The following AGAP1 variants were observed in gnomAD, a reference collection of about 807,000 sequenced individuals.
The protein encoded by AGAP1 is ArfGAP with GTPase domain, ankyrin repeat and PH domain 1.
Under a neutral mutation model 105.3 loss-of-function variants are expected in AGAP1, and 29 were observed. That is an observed-to-expected ratio of 0.28 (90% CI 0.21 to 0.38). The LOEUF is 0.38. Among genes scored for constraint, AGAP1 ranks in the 10% least tolerant of loss-of-function variants. The pLI is 1.00. For synonymous variants in AGAP1, 509 were observed against 485.9 expected (o/e 1.05, Z -0.63); for missense variants, 998 against 1,165.1 (o/e 0.86, Z 2.09).
Position 235,993,569 on chromosome 2 carries a change from C to T in AGAP1, c.1645+24946C>T, listed in dbSNP as rs191463505. Among the ~76,000 whole-genome samples the T allele has an allele frequency of 6.6e-6, 1 of 152,262 alleles. No individual in the cohort carries two copies. Among genetic ancestry groups the T allele is most frequent in the Admixed American group, 6.5e-5 (1 of 15,288 alleles). ...TTTTGTGTGATAGAAACCAATGCTT[C>T]CCAAAGTTCACATTGTGGAAACTGA... is the stretch of plus-strand genomic sequence containing the variant. On this transcript the variant is annotated intron_variant, in intron 13 of 17. Coordinates refer to ENST00000304032, the MANE Select transcript of AGAP1 (RefSeq NM_001037131.3). The surrounding 1 kb of genome is among the most constrained non-coding windows in gnomAD (Gnocchi z 5.0).
At chr2:235,684,616 A>T (rs1350823031) in intron 1 of AGAP1, among the ~76,000 whole-genome samples, 1 of 152,068 alleles carries the variant, frequency 6.6e-6, no homozygotes, top group Non-Finnish European at 1.5e-5. Flanking sequence ...AGTCTTAGTG[A>T]TTTCTTGGAG....
At position 235,893,454 on chromosome 2, in the gene AGAP1, G is replaced by A. The variant is rs1575715751; in HGVS notation, c.1155+10005G>A. ...TCCATCATAAGGAAGAGCTGTGTCTGTGGTGCGGGTGCACCATGTCCATCA... is the reference window on the plus strand; with the variant it reads ...TCCATCATAAGGAAGAGCTGTGTCTATGGTGCGGGTGCACCATGTCCATCA... On this transcript the variant is annotated intron_variant, in intron 10 of 17. Coordinates refer to ENST00000304032, the MANE Select transcript of AGAP1 (RefSeq NM_001037131.3). The surrounding 1 kb of genome is among the most constrained non-coding windows in gnomAD (Gnocchi z 4.7). Among the ~76,000 whole-genome samples the A allele has an allele frequency of 6.6e-6, 1 of 151,400 alleles. No homozygotes were observed. Among genetic ancestry groups the A allele is most frequent in the African/African-American group, 2.4e-5 (1 of 41,134 alleles).
intron 1 of AGAP1, among the ~76,000 whole-genome samples, chr2:235,508,609 G>T (rs1230668054): frequency 6.6e-6 from 1 of 152,164 alleles, no homozygotes; most frequent in East Asian, 1.9e-4. Context: ...GACTGCCTGC[G>T]ATTACAGGTC....
At chr2:235,693,790 T>G (rs1949859792) in intron 1 of AGAP1, among the ~76,000 whole-genome samples, 1 of 152,218 alleles carries the variant, frequency 6.6e-6, no homozygotes, top group Non-Finnish European at 1.5e-5. Flanking sequence ...GAATTAGCTT[T>G]TATTCCCACT....
intron 14 of AGAP1, among the ~76,000 whole-genome samples, chr2:236,037,765 C>A (rs2057427073): frequency 6.6e-6 from 1 of 152,072 alleles, no homozygotes; most frequent in Admixed American, 6.6e-5. Flanking sequence ...AGTCCTTTTT[C>A]CCATCAAGGA....
rs1350377669 is a variant in AGAP1, at chr2:235,660,677, A to G, written c.164-48502A>G. Among the ~76,000 whole-genome samples the G allele has an allele frequency of 6.6e-6, 1 of 152,076 alleles. No individual in the cohort carries two copies. Among genetic ancestry groups the G allele is most frequent in the Non-Finnish European group, 1.5e-5 (1 of 68,004 alleles). ...GCAGGAGATAGTGGCGAGACTGGGT[A>G]TGGTGTGGTTGGGAACTAGAAAGGA... On this transcript the variant is annotated intron_variant, in intron 1 of 17. Transcript: ENST00000304032. This position sits in a 1 kb window ranked among gnomAD's most constrained non-coding sequence, Gnocchi z 5.3.
intron 10 of AGAP1, among the ~76,000 whole-genome samples, chr2:235,896,155 A>G (rs761639677): frequency 6.6e-6 from 1 of 152,156 alleles, no homozygotes; most frequent in Non-Finnish European, 1.5e-5. Flanking sequence ...TTCTGTCTCT[A>G]TGAATTTGTC....
At chr2:235,935,115 A>G (rs1274053999) in intron 12 of AGAP1, among the ~76,000 whole-genome samples, 1 of 152,326 alleles carries the variant, frequency 6.6e-6, no homozygotes, top group East Asian at 1.9e-4. Context: ...CCACTGCTTT[A>G]TGACTATTAC....
chr2:236,065,515 T>C (rs1275608564), intron 16 of AGAP1, among the ~76,000 whole-genome samples: 5 of 152,234 alleles, frequency 3.3e-5, no homozygotes, highest in Non-Finnish European at 7.3e-5. Flanking sequence ...CATCAGGCTC[T>C]CTCTGGAATA....
intron 9 of AGAP1, among the ~76,000 whole-genome samples, chr2:235,826,663 T>C (rs1468045073): frequency 2.6e-5 from 4 of 152,186 alleles, no homozygotes; most frequent in Middle Eastern, 3.4e-3. Context: ...TTGGCCAGGG[T>C]GGGCTCGAAC....
chr2:236,103,247 CA>C (rs2059404262), intron 16 of AGAP1, among the ~76,000 whole-genome samples: 1 of 152,326 alleles, frequency 6.6e-6, no homozygotes, highest in African/African-American at 2.4e-5. Context: ...AAAATCTCTA[CA>C]CCGAGGTCAC....
Position 235,737,916 on chromosome 2 carries a change from G to T in AGAP1, c.311-3047G>T, listed in dbSNP as rs2149645128. On this transcript the variant is annotated intron_variant, in intron 3 of 17. Transcript: ENST00000304032. The surrounding 1 kb of genome is among the most constrained non-coding windows in gnomAD (Gnocchi z 4.5). ...AGCCTCATCAAAGTTGAACCTTAGG[G>T]TTCATCAAGCAGGGAGGGCTTCCAC... is the stretch of plus-strand genomic sequence containing the variant. 6.6e-6 allele frequency among the ~76,000 whole-genome samples: 1 copy of T among 152,156 alleles called. No homozygotes were observed. Among genetic ancestry groups the T allele is most frequent in the African/African-American group, 2.4e-5 (1 of 41,534 alleles).
chr2:235,573,965 G>A (rs567612599), intron 1 of AGAP1, among the ~76,000 whole-genome samples: 16 of 152,304 alleles, frequency 1.1e-4, no homozygotes, highest in Middle Eastern at 3.4e-3. Context: ...CCCTGCTGTC[G>A]CACAACCTTT....
At chr2:235,562,451 CG>C (rs1190726490) in intron 1 of AGAP1, among the ~76,000 whole-genome samples, 3 of 152,052 alleles carry the variant, frequency 2.0e-5, no homozygotes, top group East Asian at 3.9e-4. Context: ...ACGGATTGCA[CG>C]TGTTTCTGAG....
At chr2:235,940,173 T>C (rs1342545652) in intron 12 of AGAP1, among the ~76,000 whole-genome samples, 1 of 152,070 alleles carries the variant, frequency 6.6e-6, no homozygotes, top group Non-Finnish European at 1.5e-5. Flanking sequence ...TTTGCTTGGT[T>C]CCCTCCACTT....
rs879241558 is a variant in AGAP1, at chr2:235,612,138, A to G, written c.164-97041A>G. 1.3e-5 allele frequency among the ~76,000 whole-genome samples: 2 copies of G among 152,178 alleles called. No individual in the cohort carries two copies. Among genetic ancestry groups the G allele is most frequent in the Non-Finnish European group, 2.9e-5 (2 of 68,040 alleles). ...GCAATTTCAGGACTTTGTTTTCCAG[A>G]TGGCTTATTGTTTCACACGTTTTCT... is the stretch of plus-strand genomic sequence containing the variant. On this transcript the variant is annotated intron_variant, in intron 1 of 17. Transcript: ENST00000304032. The surrounding 1 kb of genome is among the most constrained non-coding windows in gnomAD (Gnocchi z 4.3).
chr2:236,103,639 G>A (rs754476531), intron 16 of AGAP1, among the ~76,000 whole-genome samples: 36 of 150,416 alleles, frequency 2.4e-4, no homozygotes, highest in African/African-American at 4.4e-4. Context: ...GCGTGGTCTC[G>A]GCTCACAGTA....
chr2:235,863,268 A>T, intron 9 of AGAP1, among the ~76,000 whole-genome samples: 1 of 152,252 alleles, frequency 6.6e-6, no homozygotes, highest in East Asian at 1.9e-4. Flanking sequence ...TGCCAACCAC[A>T]ATGTGATTTC....
intron 1 of AGAP1, among the ~76,000 whole-genome samples, chr2:235,682,796 A>ATGTGTGTGTG (rs1949151444): frequency 1.5e-5 from 1 of 65,552 alleles, no homozygotes; most frequent in African/African-American, 1.2e-4. Context: ...GTGTGTGCAC[A>ATGTGTGTGTG]CGTGTGTGTG....
Sources: gnomAD v4.1 joint callset for allele counts (sites outside exome capture counted in the v4.1 genomes callset) on GRCh38, gnomAD v4.1.1 for gene constraint, Gnocchi (gnomAD v3.1) non-coding constraint, MANE v1.5 for transcripts, NCBI Gene and HGNC (gene_info 2026-07-23, HGNC 2026-07-21) for gene names.